CTDSP2: variants seen among roughly 807,000 people sequenced by gnomAD.
The protein encoded by CTDSP2 is carboxy-terminal domain RNA polymerase II polypeptide A small phosphatase 2.
CTDSP2 carries 9 observed loss-of-function variants against 31.6 expected under a neutral mutation model. That is an observed-to-expected ratio of 0.28 (90% CI 0.17 to 0.50). CTDSP2 has a LOEUF of 0.50. Ranked by LOEUF, CTDSP2 falls within the 20% of genes least tolerant of loss-of-function variation. The pLI, the probability that CTDSP2 is intolerant of heterozygous loss-of-function variation, is 0.98. For synonymous variants in CTDSP2, 134 were observed against 134.5 expected (o/e 1.00, Z 0.03); for missense variants, 267 against 348.5 (o/e 0.77, Z 1.86).
At chr12:57,825,278 C>G (rs1219641252) in intron 5 of CTDSP2, among the ~76,000 whole-genome samples, 1 of 152,190 alleles carries the variant, frequency 6.6e-6, no homozygotes, top group Non-Finnish European at 1.5e-5. Context: ...TCTGCAGGAA[C>G]CCTCTGTTCT....
intron 2 of CTDSP2, among the ~76,000 whole-genome samples, chr12:57,828,095 G>A (rs187377446): frequency 2.0e-5 from 3 of 152,246 alleles, no homozygotes; most frequent in Admixed American, 2.0e-4. Flanking sequence ...AGAGAGATCA[G>A]CAAGCCCCCC....
chr12:57,843,691 T>C (rs913120657), intron 1 of CTDSP2, among the ~76,000 whole-genome samples: 1 of 152,198 alleles, frequency 6.6e-6, no homozygotes, highest in Non-Finnish European at 1.5e-5. Flanking sequence ...GATGGGATGT[T>C]GTGGAGAGGA....
At chr12:57,839,124 G>T (rs1178378369) in intron 1 of CTDSP2, among the ~76,000 whole-genome samples, 1 of 152,126 alleles carries the variant, frequency 6.6e-6, no homozygotes, top group African/African-American at 2.4e-5. Flanking sequence ...GAAGGAGTCT[G>T]CCAGGGAGGC....
At chr12:57,840,357 C>G (rs1374169505) in intron 1 of CTDSP2, among the ~76,000 whole-genome samples, 1 of 152,146 alleles carries the variant, frequency 6.6e-6, no homozygotes, top group Non-Finnish European at 1.5e-5. Context: ...TCCCCTTGGC[C>G]CCTCTCCCCA....
At chr12:57,827,500 A>G (rs1211756276) in intron 3 of CTDSP2, 52 bp downstream of exon 3, 1 of 1,599,024 alleles carries the variant, frequency 6.3e-7, no homozygotes, top group Admixed American at 1.7e-5. Context: ...TGGAGCTGGC[A>G]GGGATCACAG....
intron 1 of CTDSP2, among the ~76,000 whole-genome samples, chr12:57,837,897 T>C (rs1323860622): frequency 2.0e-5 from 3 of 152,078 alleles, no homozygotes; most frequent in Non-Finnish European, 4.4e-5. Context: ...ACCTGAGTCC[T>C]TAATGCCACC....
At chr12:57,824,416 A>C in intron 5 of CTDSP2, 97 bp from the exon 6 acceptor site, 1 of 924,042 alleles carries the variant, frequency 1.1e-6, no homozygotes, top group Non-Finnish European at 1.7e-6. Context: ...AGGAGCTCTC[A>C]ACCCCTGCAG....
rs1956155028 is a variant in CTDSP2 at position 57,822,771 on chromosome 12, T to C, written c.*831A>G. The C allele has an allele frequency of 6.6e-6, 1 of 152,300 alleles. No homozygotes were observed. Among genetic ancestry groups the C allele is most frequent in the Non-Finnish European group, 1.5e-5 (1 of 68,052 alleles). The allele number at this position is 152,300 out of a possible 1,614,324, so 9.4% of individuals were successfully genotyped here. On this transcript the variant is annotated 3_prime_UTR_variant, in exon 8 of 8. Transcript: ENST00000398073. The stretch of plus-strand genomic sequence containing the variant: ...TCATTACAGGCCCAGGACTGTAACT[T>C]TGTCAGAAACAAACCAGGCCCAACA...
chr12:57,833,182 C>T (rs553084292), intron 1 of CTDSP2, among the ~76,000 whole-genome samples: 41 of 152,206 alleles, frequency 2.7e-4, no homozygotes, highest in Admixed American at 2.1e-3. Flanking sequence ...TGAGAGGTTG[C>T]GGGGGTGAAA....
Position 57,820,136 on chromosome 12 carries a change from C to T in CTDSP2, c.*3466G>A, listed in dbSNP as rs1059470. 1 of 152,554 alleles carries T rather than the reference C, an allele frequency of 6.6e-6. No homozygotes were observed. The highest frequency in any genetic ancestry group is 1.9e-4 in the East Asian group (1 of 5,192). The allele number at this position is 152,554 out of a possible 1,614,324, so 9.5% of individuals were successfully genotyped here. On this transcript the variant is annotated 3_prime_UTR_variant, in exon 8 of 8. Transcript: ENST00000398073. ...AGATCCCCTACCCTCCAAATGGCAT[C>T]TTGAAGGGGGAAAGCGGCACGAAAT...
chr12:57,827,654 T>C (rs1956191471), intron 2 of CTDSP2, 64 bp from the exon 3 acceptor site: 5 of 1,520,706 alleles, frequency 3.3e-6, no homozygotes, highest in Non-Finnish European at 4.5e-6. Context: ...CCAAACCCAC[T>C]GCTTCTGTCT....
rs1956135780 is a variant in CTDSP2, at chr12:57,820,231, C to T, written c.*3371G>A. 6.6e-6 allele frequency: 1 copy of T among 152,282 alleles called. No homozygotes were observed. The allele number at this position is 152,282 out of a possible 1,614,324, so 9.4% of individuals were successfully genotyped here. A position where few individuals can be genotyped will look rare whatever the true frequency, so the allele number is the denominator to read the frequency against. On this transcript the variant is annotated 3_prime_UTR_variant, in exon 8 of 8. Transcript: ENST00000398073. ...TCCGCTCCATGGGCAGGCCCTACAA[C>T]GTTAAAAGAATGGGGCAGCTGGCCC... is the stretch of plus-strand genomic sequence containing the variant.
intron 1 of CTDSP2, among the ~76,000 whole-genome samples, chr12:57,831,142 T>G (rs1387949244): frequency 1.4e-5 from 2 of 145,298 alleles, no homozygotes; most frequent in African/African-American, 5.1e-5. Context: ...CATTACAGGA[T>G]CAACTAGAAA....
chr12:57,826,450 T>C (rs777143821), intron 4 of CTDSP2, 48 bp from the exon 5 acceptor site: 2 of 1,584,726 alleles, frequency 1.3e-6, no homozygotes, highest in African/African-American at 1.3e-5. Flanking sequence ...CAAAGAAACA[T>C]GAGGCCCCCA....
chr12:57,837,378 C>T (rs572814491), intron 1 of CTDSP2, among the ~76,000 whole-genome samples: 6 of 152,080 alleles, frequency 3.9e-5, no homozygotes, highest in African/African-American at 9.7e-5. Context: ...CACCGGCTCC[C>T]GAAGTTCCAA....
rs184364816 is a variant in CTDSP2 at position 57,828,689 on chromosome 12, C to T, written c.213+759G>A. 2.9e-4 allele frequency among the ~76,000 whole-genome samples: 44 copies of T among 152,278 alleles called. 1 individual carries two copies. In the East Asian group the frequency reaches 7.9e-3, roughly 27 times the overall value. On this transcript the variant is annotated intron_variant, in intron 2 of 7. Transcript: ENST00000398073. ...CATGTTGTATTTTATTTAACCATTT[C>T]CCCTACTGCAAAATGCAGTGATTTT...
chr12:57,846,403 C>T lies in CTDSP2; in HGVS notation c.33G>A (p.Arg11=). MEHGSIITQA[R]REDALVLTKQ... Reference sequence around the variant, plus strand: ...TGGTGAGCACCAGGGCGTCTTCCCTCCGCGCCTGGGTGATGATGGAGCCGT... The same window carrying T: ...TGGTGAGCACCAGGGCGTCTTCCCTTCGCGCCTGGGTGATGATGGAGCCGT... Residue 11 remains arginine (R), a synonymous_variant, in exon 1 of 8, where the codon CGG becomes CGA. Transcript: ENST00000398073. The T allele has an allele frequency of 6.2e-7, 1 of 1,608,826 alleles. No homozygotes were observed. Among genetic ancestry groups the T allele is most frequent in the East Asian group, 2.2e-5 (1 of 44,648 alleles).
At chr12:57,831,615 G>A (rs954236192) in intron 1 of CTDSP2, among the ~76,000 whole-genome samples, 7 of 152,164 alleles carry the variant, frequency 4.6e-5, no homozygotes, top group African/African-American at 1.7e-4. Flanking sequence ...TCTCCAGAGG[G>A]TCTTGAGTTT....
At chr12:57,844,170 G>A (rs1956299251) in intron 1 of CTDSP2, among the ~76,000 whole-genome samples, 2 of 152,272 alleles carry the variant, frequency 1.3e-5, no homozygotes, top group South Asian at 4.1e-4. Flanking sequence ...ACTCTAGCCT[G>A]GGCAACAGAG....
Sources: allele counts gnomAD v4.1 joint callset (sites outside exome capture counted in the v4.1 genomes callset), GRCh38; gene constraint gnomAD v4.1.1; transcripts MANE v1.5; gene names NCBI Gene and HGNC (gene_info 2026-07-23, HGNC 2026-07-21).